ADCY10: variants seen among roughly 807,000 people sequenced by gnomAD.
ADCY10 encodes the protein adenylate cyclase 10, also known as adenylate cyclase type 10.
Under a neutral mutation model 183.3 loss-of-function variants are expected in ADCY10, and 156 were observed. The ratio of observed to expected loss-of-function variants is 0.85; its 90% confidence interval spans 0.75 to 0.97. The LOEUF is 0.97. ADCY10 is among the 50% of genes least tolerant of loss of function. The probability of loss-of-function intolerance (pLI) is 0.00; values close to 1 mark genes in which losing one functional copy is unlikely to be tolerated. For synonymous variants in ADCY10, 645 were observed against 670.0 expected, an observed-to-expected ratio of 0.96 and a Z score of 0.58; for missense variants, 1,745 against 1,934.3, an observed-to-expected ratio of 0.90 and a Z score of 1.84.
Position 167,896,790 on chromosome 1 carries a change from A to G in ADCY10, c.643-99T>C, listed in dbSNP as rs540466412. 4 of 832,116 alleles carry G rather than the reference A, an allele frequency of 4.8e-6. No homozygotes were observed. In the South Asian group the frequency reaches 5.5e-5, roughly 11 times the overall value. The allele number at this position is 832,116 out of a possible 1,614,324, so 51.5% of individuals were successfully genotyped here. A position where few individuals can be genotyped will look rare whatever the true frequency, so the allele number is the denominator to read the frequency against. ...AGAAAGAGAGTATGCTTTTGACTGA[A>G]CAGTGATTGGCACACTTAAACACCA... On this transcript the variant is annotated intron_variant, in intron 6 of 32. Transcript: ENST00000367851.
At position 167,898,958 on chromosome 1, in the gene ADCY10, C is replaced by A. The variant is rs1327026011; in HGVS notation, c.642+465G>T. Among the ~76,000 whole-genome samples the A allele has an allele frequency of 3.3e-5, 5 of 152,240 alleles. No individual in the cohort carries two copies. In the South Asian group the frequency reaches 1.0e-3, roughly 32 times the overall value. On this transcript the variant is annotated intron_variant, in intron 6 of 32. Coordinates refer to ENST00000367851, the MANE Select transcript of ADCY10 (RefSeq NM_018417.6). ...CACAATGTTTTCTACTAGGCAGAGC[C>A]ACAGGAAGAGAAGTCTCTCTTCTAT...
chr1:167,887,905 T>G (rs552464932), intron 8 of ADCY10, among the ~76,000 whole-genome samples: 1 of 152,256 alleles, frequency 6.6e-6, no homozygotes, highest in Admixed American at 6.5e-5. Flanking sequence ...AATGTTTTCT[T>G]GTAGTAGTTT....
chr1:167,868,311 G>A (rs766253193), intron 14 of ADCY10, among the ~76,000 whole-genome samples: 16 of 152,002 alleles, frequency 1.1e-4, no homozygotes, highest in South Asian at 4.2e-4. Flanking sequence ...ATGAATTCCC[G>A]GCCCAAAAGA....
intron 4 of ADCY10, 88 bp from the exon 5 acceptor site, chr1:167,901,893 A>G: frequency 2.5e-6 from 4 of 1,610,780 alleles, no homozygotes; most frequent in Non-Finnish European, 3.4e-6. Flanking sequence ...TTACTCATCA[A>G]GCATTCCTCA....
Position 167,860,917 on chromosome 1 carries a change from A to T in ADCY10, c.1763T>A (p.Leu588Ter). ...AAGAAGACAGTAGAACTTTTCATCC[A>T]ACAGTGTCATGACTTTATTTCGAAG... is the stretch of plus-strand genomic sequence containing the variant. Reference protein sequence around the residue: ...TNLRNKVMTLLDEKFYCLLND... With the variant: ...TNLRNKVMTL The change falls in exon 15 of 33, where the codon TTG becomes TAG. Residue 588 changes from leucine (L) to a stop codon, truncating the protein, a stop_gained. Transcript: ENST00000367851. LOFTEE classifies it high-confidence loss of function. The T allele has an allele frequency of 6.2e-7, 1 of 1,614,190 alleles. No individual in the cohort carries two copies. The highest frequency in any genetic ancestry group is 8.5e-7 in the Non-Finnish European group (1 of 1,180,022).
chr1:167,897,391 G>A (rs963641117), intron 6 of ADCY10, among the ~76,000 whole-genome samples: 2 of 150,850 alleles, frequency 1.3e-5, no homozygotes, highest in African/African-American at 4.9e-5. Flanking sequence ...CAGTTACTCA[G>A]GAGGCTGTGG....
At chr1:167,893,378 G>A (rs1308938809) in intron 8 of ADCY10, among the ~76,000 whole-genome samples, 2 of 152,074 alleles carry the variant, frequency 1.3e-5, no homozygotes, top group Non-Finnish European at 2.9e-5. Context: ...TGAAAGTATT[G>A]AGATTTGAAC....
At chr1:167,857,764 A>G (rs1004635121) in intron 16 of ADCY10, among the ~76,000 whole-genome samples, 1 of 152,222 alleles carries the variant, frequency 6.6e-6, no homozygotes, top group African/African-American at 2.4e-5. Context: ...GGGCACAGAG[A>G]AGTTAAGTAA....
chr1:167,853,836 T>A (rs1220762067), intron 18 of ADCY10, among the ~76,000 whole-genome samples: 1 of 59,412 alleles, frequency 1.7e-5, no homozygotes, highest in East Asian at 4.7e-4. Flanking sequence ...GTTACTTTTT[T>A]TTTTTTTTTT....
intron 13 of ADCY10, among the ~76,000 whole-genome samples, chr1:167,873,630 C>A (rs548551823): frequency 6.6e-6 from 1 of 152,220 alleles, no homozygotes; most frequent in African/African-American, 2.4e-5. Context: ...AGGTCTACTC[C>A]CCTGTCTAAT....
chr1:167,903,992 C>T lies in ADCY10; in HGVS notation c.149-1G>A. On this transcript the variant is annotated splice_acceptor_variant, in intron 2 of 32. Transcript: ENST00000367851. LOFTEE classifies it high-confidence loss of function. ...AACTTCTCAGTCATTGCAGTAAAAC[C>T]TGGAATAAATGTGCAGCTGGTTTCC... 2.5e-6 allele frequency: 4 copies of T among 1,609,494 alleles called. No homozygotes were observed. The highest frequency in any genetic ancestry group is 3.4e-6 in the Non-Finnish European group (4 of 1,176,286).
chr1:167,899,085 A>T (rs536669794), intron 6 of ADCY10, among the ~76,000 whole-genome samples: 43 of 152,176 alleles, frequency 2.8e-4, no homozygotes, highest in Non-Finnish European at 5.6e-4. Context: ...GGTCAATGAC[A>T]GCCTTTAAAA....
chr1:167,904,163 C>T (rs190624763), intron 2 of ADCY10, among the ~76,000 whole-genome samples, 172 bp from the exon 3 acceptor site: 16 of 148,638 alleles, frequency 1.1e-4, no homozygotes, highest in African/African-American at 4.0e-4. Context: ...TCTCAGCTCA[C>T]TGCAACCTCC....
intron 31 of ADCY10, among the ~76,000 whole-genome samples, chr1:167,816,955 G>T (rs1662569217): frequency 6.6e-6 from 1 of 152,154 alleles, no homozygotes; most frequent in Admixed American, 6.5e-5. Flanking sequence ...CAAAATAACA[G>T]CAACAATGTG....
At chr1:167,879,551 A>C (rs941288370) in intron 11 of ADCY10, among the ~76,000 whole-genome samples, 1 of 150,926 alleles carries the variant, frequency 6.6e-6, no homozygotes, top group Non-Finnish European at 1.5e-5. Context: ...ACCCCCATAC[A>C]CTCCCCACCC....
At position 167,815,910 on chromosome 1, in the gene ADCY10, C is replaced by T. The variant is rs559241885; in HGVS notation, c.4482+2162G>A. Among the ~76,000 whole-genome samples, 6 of 151,910 alleles carry T rather than the reference C, an allele frequency of 3.9e-5. No homozygotes were observed. The East Asian group carries it at 5.8e-4, about 15-fold the overall frequency. On this transcript the variant is annotated intron_variant, in intron 31 of 32. Transcript: ENST00000367851. ...ACAGGCTTATTAGTAGACAGGACCC[C>T]GCTGAGGAAAGAATCTCTGAGTTCA...
At chr1:167,833,301 C>A in intron 24 of ADCY10, 139 bp from the exon 25 acceptor site, 1 of 800,380 alleles carries the variant, frequency 1.2e-6, no homozygotes, top group Non-Finnish European at 2.1e-6. Flanking sequence ...CTTCCTGTGC[C>A]TGGCATAATA....
chr1:167,837,283 G>A lies in ADCY10; in HGVS notation c.3043C>T (p.Pro1015Ser), dbSNP rs750718015. 2 of 1,614,010 alleles carry A rather than the reference G, an allele frequency of 1.2e-6. No homozygotes were observed. Among genetic ancestry groups the A allele is most frequent in the South Asian group, 2.2e-5 (2 of 91,086 alleles). ...EKLILSNSEI[P>S]ETSAFFPENR... ...TCAGGAAAAAATGCAGATGTCTCAGGAATCTCTGAGTTGGACAAGATAAGC... is the reference window on the plus strand; with the variant it reads ...TCAGGAAAAAATGCAGATGTCTCAGAAATCTCTGAGTTGGACAAGATAAGC... The change falls in exon 22 of 33, where the codon CCT becomes TCT. Residue 1015 changes from proline to serine, a missense_variant. Physicochemically the swap from Pro to Ser is moderately conservative, Grantham distance 74. Transcript: ENST00000367851.
chr1:167,825,793 C>T (rs942138398), intron 26 of ADCY10, among the ~76,000 whole-genome samples: 4 of 152,006 alleles, frequency 2.6e-5, no homozygotes, highest in Admixed American at 1.3e-4. Flanking sequence ...TTCTCAAAAA[C>T]GAACAAACAA....
Sources: gnomAD v4.1 joint callset for allele counts (sites outside exome capture counted in the v4.1 genomes callset) on GRCh38, gnomAD v4.1.1 for gene constraint, MANE v1.5 for transcripts, NCBI Gene and HGNC (gene_info 2026-07-23, HGNC 2026-07-21) for gene names.